TRIM71: variants seen among roughly 807,000 people sequenced by gnomAD.
TRIM71 encodes the protein tripartite motif containing 71, also known as E3 ubiquitin-protein ligase TRIM71.
TRIM71 carries 9 observed loss-of-function variants against 61.2 expected under a neutral mutation model. The ratio of observed to expected loss-of-function variants is 0.15; its 90% CI spans 0.09 to 0.26. TRIM71 has a LOEUF of 0.26. Among genes scored for constraint, TRIM71 ranks in the 10% least tolerant of loss-of-function variants. The probability of loss-of-function intolerance (pLI) is 1.00; values close to 1 mark genes in which losing one functional copy is unlikely to be tolerated. For synonymous variants in TRIM71, 645 were observed against 553.2 expected (o/e 1.17, Z -2.33); for missense variants, 998 against 1,238.7 (o/e 0.81, Z 2.92).
At chr3:32,825,386 A>G (rs1285568873) in intron 1 of TRIM71, among the ~76,000 whole-genome samples, 1 of 152,170 alleles carries the variant, frequency 6.6e-6, no homozygotes, top group African/African-American at 2.4e-5. Flanking sequence ...TTCATTAAAT[A>G]ATTCTGTAGC....
Position 32,894,241 on chromosome 3 carries a change from A to G in TRIM71, c.*2430A>G, listed in dbSNP as rs1020779757. On this transcript the variant is annotated 3_prime_UTR_variant, in exon 4 of 4. Coordinates refer to ENST00000383763, the MANE Select transcript of TRIM71 (RefSeq NM_001039111.3). Reference sequence around the variant, plus strand: ...GAAAAAAATTTTATTGAGGAGATGGATCTTGATTAAAATCTTTTCATCATC... The same window carrying G: ...GAAAAAAATTTTATTGAGGAGATGGGTCTTGATTAAAATCTTTTCATCATC... The G allele has an allele frequency of 6.6e-6, 1 of 152,162 alleles. No individual in the cohort carries two copies. Among genetic ancestry groups the G allele is most frequent in the African/African-American group, 2.4e-5 (1 of 41,424 alleles). The allele number at this position is 152,162 out of a possible 1,614,324, so 9.4% of individuals were successfully genotyped here.
At chr3:32,874,299 AGAAAGGCTGG>A (rs1401654119) in intron 2 of TRIM71, among the ~76,000 whole-genome samples, 5 of 151,736 alleles carry the variant, frequency 3.3e-5, no homozygotes, top group African/African-American at 1.2e-4. Flanking sequence ...CCAGGACTGC[AGAAAGGCTGG>A]GTGCTTAATG....
intron 1 of TRIM71, among the ~76,000 whole-genome samples, chr3:32,833,183 TTAAAAAAAAAA>T (rs1424549890): frequency 2.6e-5 from 1 of 39,100 alleles, no homozygotes; most frequent in East Asian, 1.8e-3. Context: ...AACTCTGTCT[TTAAAAAAAAAA>T]AAAAAAAAAA....
rs1398478205 is a variant in TRIM71, at chr3:32,818,809, G to A, written c.729G>A (p.Pro243=). The A allele has an allele frequency of 1.2e-6, 2 of 1,609,086 alleles. No individual in the cohort carries two copies. Among genetic ancestry groups the A allele is most frequent in the South Asian group, 1.1e-5 (1 of 90,892 alleles). ...TKDHYIERGP[P]GPGAAAAAQQ... Reference sequence around the variant, plus strand: ...ACCACTACATCGAGCGCGGCCCGCCGGGTCCCGGTGCCGCAGCAGCGGCGC... The same window carrying A: ...ACCACTACATCGAGCGCGGCCCGCCAGGTCCCGGTGCCGCAGCAGCGGCGC... The change falls in exon 1 of 4, where the codon CCG becomes CCA. Residue 243 remains proline, a synonymous_variant. Transcript: ENST00000383763.
chr3:32,865,821 T>TCC (rs1696729477), intron 1 of TRIM71, among the ~76,000 whole-genome samples: 1 of 96,400 alleles, frequency 1.0e-5, no homozygotes, highest in Non-Finnish European at 2.0e-5. Context: ...CCACCTTTTT[T>TCC]TTTTTTTTTT....
At chr3:32,881,467 T>C (rs1180315001) in intron 2 of TRIM71, among the ~76,000 whole-genome samples, 1 of 152,208 alleles carries the variant, frequency 6.6e-6, no homozygotes, top group Non-Finnish European at 1.5e-5. Context: ...CACTGATCGA[T>C]ATCTATATTC....
intron 1 of TRIM71, among the ~76,000 whole-genome samples, chr3:32,820,070 G>A (rs998308460): frequency 6.6e-6 from 1 of 152,256 alleles, no homozygotes; most frequent in Non-Finnish European, 1.5e-5. Flanking sequence ...TGCCGAGGGG[G>A]TCGGTAACTT....
chr3:32,854,730 TGATGGGATACA>T (rs1334043293), intron 1 of TRIM71, among the ~76,000 whole-genome samples: 22 of 152,242 alleles, frequency 1.4e-4, no homozygotes, highest in Non-Finnish European at 2.9e-5. Context: ...AGTTTGATGC[TGATGGGATACA>T]GTGCTAACCA....
intron 1 of TRIM71, among the ~76,000 whole-genome samples, chr3:32,869,775 G>C (rs1395923526): frequency 2.0e-5 from 3 of 152,214 alleles, no homozygotes; most frequent in African/African-American, 7.2e-5. Context: ...GAAGGCAATG[G>C]GTGGGACGTT....
chr3:32,890,344 T>A lies in TRIM71; in HGVS notation c.1156-16T>A. 1 of 1,601,844 alleles carries A rather than the reference T, an allele frequency of 6.2e-7. No individual in the cohort carries two copies. Among genetic ancestry groups the A allele is most frequent in the Non-Finnish European group, 8.5e-7 (1 of 1,170,726 alleles). ...TAAGCCTCTGTGTCTTTCTCCACTC[T>A]TGCTTTTCCCTCCAGGTAGAAAAGA... On this transcript the variant is annotated splice_polypyrimidine_tract_variant and intron_variant, in intron 3 of 3. Transcript: ENST00000383763. This position sits in a 1 kb window ranked among gnomAD's most constrained non-coding sequence, Gnocchi z 6.2.
At chr3:32,865,485 T>C (rs1033478657) in intron 1 of TRIM71, among the ~76,000 whole-genome samples, 1 of 152,122 alleles carries the variant, frequency 6.6e-6, no homozygotes, top group African/African-American at 2.4e-5. Context: ...AAGAGACATA[T>C]TCATGAAACT....
intron 1 of TRIM71, among the ~76,000 whole-genome samples, chr3:32,868,833 C>G (rs1382412735): frequency 6.6e-6 from 1 of 152,096 alleles, no homozygotes; most frequent in African/African-American, 2.4e-5. Context: ...CAGCGGGGCT[C>G]TGTTGTCTTG....
intron 1 of TRIM71, among the ~76,000 whole-genome samples, chr3:32,846,734 C>T (rs1005890310): frequency 1.4e-5 from 2 of 145,238 alleles, no homozygotes; most frequent in Admixed American, 7.0e-5. Context: ...CTTCTCTCTA[C>T]TTCTATGAGA....
At chr3:32,849,745 G>T (rs1696517501) in intron 1 of TRIM71, among the ~76,000 whole-genome samples, 1 of 152,096 alleles carries the variant, frequency 6.6e-6, no homozygotes, top group South Asian at 2.1e-4. Context: ...TTTTTGTCCG[G>T]TGGGGTAAGA....
intron 1 of TRIM71, among the ~76,000 whole-genome samples, chr3:32,829,654 G>A (rs146701690): frequency 0.01 from 1,542 of 151,456 alleles, 22 homozygotes; most frequent in East Asian, 0.081. Flanking sequence ...GTGTGTGTTT[G>A]TGTGTGCGTG....
At chr3:32,869,152 C>G (rs986698664) in intron 1 of TRIM71, among the ~76,000 whole-genome samples, 20 of 152,168 alleles carry the variant, frequency 1.3e-4, no homozygotes, top group African/African-American at 4.3e-4. Flanking sequence ...TCTTCTGGGC[C>G]TCATTTGCTT....
intron 2 of TRIM71, among the ~76,000 whole-genome samples, chr3:32,877,817 A>C (rs1039209537): frequency 5.3e-5 from 8 of 152,140 alleles, no homozygotes; most frequent in African/African-American, 9.7e-5. Context: ...TTTCTGCTAC[A>C]AGAAGTTGAT....
chr3:32,827,265 A>ATTTTTTTTT lies in TRIM71; in HGVS notation c.852+8335_852+8336insTTTTTTTTT, dbSNP rs1167469115. 1.5e-4 allele frequency among the ~76,000 whole-genome samples: 18 copies of ATTTTTTTTT among 117,568 alleles called. 1 individual carries two copies. The highest frequency in any genetic ancestry group is 4.1e-4 in the Admixed American group (5 of 12,070). 77.1% of individuals were successfully genotyped at this position (117,568 alleles called of 152,430 possible). A position where few individuals can be genotyped will look rare whatever the true frequency, so the allele number is the denominator to read the frequency against. On this transcript the variant is annotated intron_variant, in intron 1 of 3. Transcript: ENST00000383763. The stretch of plus-strand genomic sequence containing the variant: ...CTTTGTCATGAAGGGTAGGGGGATA[A>ATTTTTTTTT]TTCTTTTTTTTTTTTTTGGGTGGAG...
chr3:32,857,991 AAAAG>A (rs1696624423), intron 1 of TRIM71, among the ~76,000 whole-genome samples: 1 of 152,086 alleles, frequency 6.6e-6, no homozygotes, highest in African/African-American at 2.4e-5. Context: ...GCGGGACACA[AAAAG>A]AAGAAGAAAA....
Sources: allele counts gnomAD v4.1 joint callset (sites outside exome capture counted in the v4.1 genomes callset), GRCh38; gene constraint gnomAD v4.1.1; non-coding constraint Gnocchi (gnomAD v3.1); transcripts MANE v1.5; gene names NCBI Gene and HGNC (gene_info 2026-07-23, HGNC 2026-07-21).